Variants in NVL observed in about 807,000 individuals in gnomAD.
The protein encoded by NVL is nuclear valosin-containing protein-like.
Under a neutral mutation model 110.2 loss-of-function variants are expected in NVL, and 84 were observed. The observed-to-expected ratio is 0.76, with a 90% CI of 0.64 to 0.91. The LOEUF (loss-of-function observed/expected upper bound fraction) is 0.91, where lower values mean the gene tolerates loss of function less well. NVL is among the 40% of genes least tolerant of loss of function. The pLI is 0.00. For synonymous variants in NVL, 354 were observed against 361.1 expected, an observed-to-expected ratio of 0.98 and a Z score of 0.22; for missense variants, 882 against 1,035.9, an observed-to-expected ratio of 0.85 and a Z score of 2.04.
At chr1:224,300,880 G>A (rs1481707132) in intron 9 of NVL, among the ~76,000 whole-genome samples, 4 of 151,998 alleles carry the variant, frequency 2.6e-5, no homozygotes, top group Non-Finnish European at 5.9e-5. Flanking sequence ...TGAGGTGGGC[G>A]GATCACCTGA....
Position 224,289,572 on chromosome 1 carries a change from T to G in NVL, c.1487A>C (p.Gln496Pro). The G allele has an allele frequency of 6.2e-7, 1 of 1,614,268 alleles. No individual in the cohort carries two copies. Among genetic ancestry groups the G allele is most frequent in the Non-Finnish European group, 8.5e-7 (1 of 1,180,052 alleles). Residue 496 changes from glutamine (Q) to proline (P), a missense_variant, in exon 13 of 23, where the codon CAG (glutamine) becomes CCG (proline). By Grantham distance (76) the Gln-to-Pro change is moderately conservative (BLOSUM62 -1). Coordinates refer to ENST00000281701, the MANE Select transcript of NVL (RefSeq NM_002533.4). The stretch of plus-strand genomic sequence containing the variant: ...TTCCATTTCAGGATTTTTCTTCTGC[T>G]GTTCCTGTAGCTTCATTAAGACTCT... ...VNRVLMKLQEQQKKNPEMEDL... is the reference protein window; with the variant it reads ...VNRVLMKLQEPQKKNPEMEDL...
intron 16 of NVL, among the ~76,000 whole-genome samples, chr1:224,278,727 A>G (rs919867694): frequency 6.6e-6 from 1 of 152,084 alleles, no homozygotes; most frequent in Non-Finnish European, 1.5e-5. Flanking sequence ...AAAAATAGTT[A>G]GCAATATCCA....
intron 19 of NVL, among the ~76,000 whole-genome samples, chr1:224,249,772 T>C: frequency 6.6e-6 from 1 of 152,090 alleles, no homozygotes; most frequent in Admixed American, 6.5e-5. Context: ...CTTGCTCTGT[T>C]GCCCAGGCTG....
intron 1 of NVL, among the ~76,000 whole-genome samples, chr1:224,328,336 A>G (rs993143245): frequency 2.6e-5 from 4 of 152,096 alleles, no homozygotes; most frequent in Non-Finnish European, 4.4e-5. Context: ...CCTGGCCAAC[A>G]TGGTGAAATC....
At chr1:224,261,380 C>T (rs543986397) in intron 18 of NVL, among the ~76,000 whole-genome samples, 215 of 152,166 alleles carry the variant, frequency 1.4e-3, no homozygotes, top group Middle Eastern at 0.01. Context: ...GTAGAAAATA[C>T]GTAATTATTG....
chr1:224,230,129 G>T (rs1316065971), intron 22 of NVL, among the ~76,000 whole-genome samples: 1 of 152,168 alleles, frequency 6.6e-6, no homozygotes. Context: ...CCTGTGCCCA[G>T]CTCCAGAGTG....
At chr1:224,314,010 G>T (rs1669818144) in intron 4 of NVL, among the ~76,000 whole-genome samples, 2 of 152,058 alleles carry the variant, frequency 1.3e-5, no homozygotes, top group East Asian at 3.9e-4. Flanking sequence ...CTCAAAAAAA[G>T]AAAAAATATA....
chr1:224,228,216 G>A (rs900037569), intron 22 of NVL, among the ~76,000 whole-genome samples: 1 of 152,078 alleles, frequency 6.6e-6, no homozygotes, highest in Non-Finnish European at 1.5e-5. Context: ...TAAAAAATCA[G>A]GTCAAGAGTC....
intron 10 of NVL, among the ~76,000 whole-genome samples, chr1:224,297,094 T>G (rs1327048884): frequency 6.6e-6 from 1 of 152,198 alleles, no homozygotes; most frequent in Non-Finnish European, 1.5e-5. Flanking sequence ...AAGAGGAAAT[T>G]TGAGAAGCAC....
At chr1:224,280,254 A>G (rs184154885) in intron 16 of NVL, among the ~76,000 whole-genome samples, 81 of 151,350 alleles carry the variant, frequency 5.4e-4, no homozygotes, top group African/African-American at 2.0e-3. Flanking sequence ...TATATGTGGA[A>G]ATATTTTATA....
intron 16 of NVL, among the ~76,000 whole-genome samples, chr1:224,279,648 C>T (rs967761952): frequency 6.6e-6 from 1 of 152,104 alleles, no homozygotes; most frequent in Admixed American, 6.6e-5. Context: ...ACCAGTCTTG[C>T]TTCATCTATA....
chr1:224,264,099 G>GA (rs1229506405), intron 18 of NVL, among the ~76,000 whole-genome samples: 1 of 152,126 alleles, frequency 6.6e-6, no homozygotes, highest in African/African-American at 2.4e-5. Context: ...GGATTGTGAA[G>GA]ACATTGTGAG....
chr1:224,281,006 T>C (rs1666253442), intron 16 of NVL, 117 bp downstream of exon 16: 5 of 935,542 alleles, frequency 5.3e-6, no homozygotes, highest in Middle Eastern at 3.0e-4. Flanking sequence ...CCTACAGCAC[T>C]GATTTTAAAT....
intron 15 of NVL, among the ~76,000 whole-genome samples, chr1:224,281,847 A>G (rs1488321563): frequency 6.7e-6 from 1 of 150,354 alleles, no homozygotes; most frequent in Non-Finnish European, 1.5e-5. Flanking sequence ...CAGCTACTCG[A>G]GAGGCTGAGA....
At chr1:224,275,794 G>A (rs985816972) in intron 16 of NVL, among the ~76,000 whole-genome samples, 3 of 152,068 alleles carry the variant, frequency 2.0e-5, no homozygotes, top group Admixed American at 1.3e-4. Flanking sequence ...TGTAAGCCTC[G>A]TGCATATAAA....
intron 18 of NVL, among the ~76,000 whole-genome samples, chr1:224,266,149 T>G (rs1183228309): frequency 6.6e-6 from 1 of 152,190 alleles, no homozygotes; most frequent in East Asian, 1.9e-4. Flanking sequence ...GATGATCATA[T>G]ACTGGAAAAA....
chr1:224,229,391 C>T (rs1571741456), intron 22 of NVL, among the ~76,000 whole-genome samples: 1 of 151,928 alleles, frequency 6.6e-6, no homozygotes, highest in East Asian at 1.9e-4. Context: ...AAATTTTAGT[C>T]ATTGTGGTAG....
intron 20 of NVL, among the ~76,000 whole-genome samples, chr1:224,233,983 G>C (rs1660186328): frequency 6.6e-6 from 1 of 151,980 alleles, no homozygotes; most frequent in Non-Finnish European, 1.5e-5. Flanking sequence ...TGAGCCTGGG[G>C]GGCAAAGGCT....
At chr1:224,298,874 T>C (rs1668130828) in intron 10 of NVL, among the ~76,000 whole-genome samples, 1 of 152,076 alleles carries the variant, frequency 6.6e-6, no homozygotes, top group Admixed American at 6.5e-5. Context: ...TAAATCATCA[T>C]GGAAGACATA....
Sources: gnomAD v4.1 joint callset for allele counts (sites outside exome capture counted in the v4.1 genomes callset) on GRCh38, gnomAD v4.1.1 for gene constraint, MANE v1.5 for transcripts, NCBI Gene and HGNC (gene_info 2026-07-23, HGNC 2026-07-21) for gene names.